Variants in LARGE1 observed in about 807,000 individuals in gnomAD.
LARGE1 encodes the protein xylosyl- and glucuronyltransferase LARGE1.
A neutral mutation model predicts 87.6 loss-of-function variants in LARGE1; 43 were observed. The ratio of observed to expected loss-of-function variants is 0.49; its 90% confidence interval spans 0.38 to 0.63. The LOEUF is 0.63. LARGE1 is among the 30% of genes least tolerant of loss of function. The pLI, the probability that LARGE1 is intolerant of heterozygous loss-of-function variation, is 0.00. For missense variants in LARGE1, 802 were observed against 1,000.2 expected (o/e 0.80, Z 2.67); for synonymous variants, 434 against 394.6 (o/e 1.10, Z -1.18).
At chr22:33,549,742 T>C (rs181142965) in intron 6 of LARGE1, among the ~76,000 whole-genome samples, 1 of 152,298 alleles carries the variant, frequency 6.6e-6, no homozygotes, top group East Asian at 1.9e-4. Context: ...TCGTGGACTA[T>C]GAGTTATGAA....
chr22:33,649,742 T>C (rs2080733722), intron 3 of LARGE1, among the ~76,000 whole-genome samples: 2 of 152,184 alleles, frequency 1.3e-5, no homozygotes, highest in Admixed American at 6.5e-5. Flanking sequence ...GGGGAATGAG[T>C]GTATGTGTGT....
At chr22:33,533,568 C>T (rs1432772795) in intron 6 of LARGE1, among the ~76,000 whole-genome samples, 3 of 152,156 alleles carry the variant, frequency 2.0e-5, no homozygotes, top group Admixed American at 2.0e-4. Flanking sequence ...TGTAAAATGC[C>T]CCGACTTTGT....
the LARGE1 span, among the ~76,000 whole-genome samples, chr22:33,104,162 C>A: frequency 6.6e-6 from 1 of 152,118 alleles, no homozygotes; most frequent in Non-Finnish European, 1.5e-5. Flanking sequence ...CCTTGTGAGA[C>A]CCTGCAAACA....
At chr22:33,630,330 G>C (rs768165110) in intron 3 of LARGE1, among the ~76,000 whole-genome samples, 5 of 152,194 alleles carry the variant, frequency 3.3e-5, no homozygotes, top group African/African-American at 4.8e-5. Context: ...TGAAATTACA[G>C]TCATGCTTTG....
the LARGE1 span, among the ~76,000 whole-genome samples, chr22:33,113,539 A>G: frequency 2.0e-5 from 3 of 152,210 alleles, no homozygotes; most frequent in Admixed American, 1.3e-4. Context: ...TTGTGTGCAT[A>G]TTATCACTTA....
At chr22:33,904,303 G>T (rs1344772453) in intron 1 of LARGE1, among the ~76,000 whole-genome samples, 1 of 152,090 alleles carries the variant, frequency 6.6e-6, no homozygotes, top group Non-Finnish European at 1.5e-5. Flanking sequence ...TTACAGGCGT[G>T]TGCCACCACG....
chr22:33,277,355 C>T (rs1449642480), intron 13 of LARGE1, 100 bp from the exon 14 acceptor site: 34 of 1,144,546 alleles, frequency 3.0e-5, no homozygotes, highest in Non-Finnish European at 4.1e-5. Flanking sequence ...TGATGTAGTC[C>T]TCGGGTGAGT....
chr22:33,866,879 C>T (rs2064120648), intron 1 of LARGE1, among the ~76,000 whole-genome samples: 1 of 152,124 alleles, frequency 6.6e-6, no homozygotes, highest in Non-Finnish European at 1.5e-5. Flanking sequence ...GCACCAGAGA[C>T]ATAGAAATGA....
intron 11 of LARGE1, among the ~76,000 whole-genome samples, chr22:33,253,908 G>A (rs201119500): frequency 7.0e-6 from 1 of 143,226 alleles, no homozygotes; most frequent in Non-Finnish European, 1.5e-5. Context: ...TTCCTTCTTG[G>A]TTTTTTTTTT....
chr22:33,521,858 T>C (rs148131218), intron 6 of LARGE1, among the ~76,000 whole-genome samples: 142 of 152,324 alleles, frequency 9.3e-4, no homozygotes, highest in African/African-American at 3.4e-3. Flanking sequence ...TTTTGGCTCA[T>C]AGCTTTGCAG....
At chr22:33,776,623 C>T (rs148926890) in intron 1 of LARGE1, among the ~76,000 whole-genome samples, 62 of 152,206 alleles carry the variant, frequency 4.1e-4, no homozygotes, top group African/African-American at 1.4e-3. Context: ...TGGAAACGGA[C>T]GACGTAAGCA....
chr22:33,373,200 C>CT (rs2064877112), intron 9 of LARGE1, among the ~76,000 whole-genome samples: 1 of 152,120 alleles, frequency 6.6e-6, no homozygotes. Context: ...AAAGATTGAG[C>CT]TTTGCTATTA....
At chr22:33,878,450 T>C (rs1251927967) in intron 1 of LARGE1, among the ~76,000 whole-genome samples, 1 of 152,174 alleles carries the variant, frequency 6.6e-6, no homozygotes, top group East Asian at 1.9e-4. Context: ...TATTTCTATC[T>C]GACAAAATGC....
intron 10 of LARGE1, among the ~76,000 whole-genome samples, chr22:33,324,716 G>C (rs1481428407): frequency 6.6e-6 from 1 of 152,222 alleles, no homozygotes; most frequent in East Asian, 1.9e-4. Context: ...TGCATCCTGT[G>C]CTCTGGCCTT....
At chr22:33,371,877 G>A (rs1039048765) in intron 9 of LARGE1, among the ~76,000 whole-genome samples, 7 of 151,848 alleles carry the variant, frequency 4.6e-5, no homozygotes, top group African/African-American at 1.5e-4. Context: ...CCAGCTACTC[G>A]GGAGGCTGGG....
chr22:33,733,849 G>A (rs1176903447), intron 2 of LARGE1, among the ~76,000 whole-genome samples: 1 of 152,198 alleles, frequency 6.6e-6, no homozygotes, highest in Non-Finnish European at 1.5e-5. Flanking sequence ...GGGAGAAGCA[G>A]AAAGACCATA....
At chr22:33,751,487 AAAAAAAAAAAC>A (rs1402611090) in intron 2 of LARGE1, among the ~76,000 whole-genome samples, 1 of 151,148 alleles carries the variant, frequency 6.6e-6, no homozygotes, top group African/African-American at 2.4e-5. Context: ...TCCATCTCAA[AAAAAAAAAAAC>A]AAAAACAAAC....
chr22:33,489,758 G>T (rs938448444), intron 6 of LARGE1, among the ~76,000 whole-genome samples: 1 of 152,120 alleles, frequency 6.6e-6, no homozygotes, highest in African/African-American at 2.4e-5. Context: ...CAGCATGAAA[G>T]CGAACTAATA....
intron 2 of LARGE1, among the ~76,000 whole-genome samples, chr22:33,662,700 G>A (rs2081164200): frequency 6.6e-6 from 1 of 152,038 alleles, no homozygotes; most frequent in Non-Finnish European, 1.5e-5. Context: ...CCAACGGCAT[G>A]AGTAGCTGCC....
Sources: allele counts gnomAD v4.1 joint callset (sites outside exome capture counted in the v4.1 genomes callset), GRCh38; gene constraint gnomAD v4.1.1; transcripts MANE v1.5; gene names NCBI Gene and HGNC (gene_info 2026-07-23, HGNC 2026-07-21).